The following INTU variants were observed in gnomAD, a reference collection of about 807,000 sequenced individuals.
INTU encodes the protein inturned planar cell polarity protein.
Under a neutral mutation model 100.5 loss-of-function variants are expected in INTU, and 68 were observed. The ratio of observed to expected loss-of-function variants is 0.68; its 90% CI spans 0.56 to 0.83. The LOEUF (loss-of-function observed/expected upper bound fraction) is 0.83. Among genes scored for constraint, INTU ranks in the 40% least tolerant of loss-of-function variants. INTU has a pLI of 0.00. For missense variants in INTU, 1,071 were observed against 1,114.7 expected (o/e 0.96, Z 0.56); for synonymous variants, 357 against 395.7 (o/e 0.90, Z 1.16).
chr4:127,681,679 GGACATA>G (rs1729561455), intron 6 of INTU, among the ~76,000 whole-genome samples: 1 of 152,158 alleles, frequency 6.6e-6, no homozygotes, highest in African/African-American at 2.4e-5. Context: ...TTACCATTCA[GGACATA>G]GGCATGGGCA....
Position 127,706,729 on chromosome 4 carries a change from C to T in INTU, c.2031C>T (p.Leu677=). Residue 677 remains leucine (L), a synonymous_variant, in exon 12 of 16, where the codon CTC becomes CTT. Coordinates refer to ENST00000335251, the MANE Select transcript of INTU (RefSeq NM_015693.4). ...KTDSLTTSPI[L]SRLQGTSKVA... ...ATAGCTTGACCACTTCGCCTATTCT[C>T]AGTAGGCTACAAGGTACTTCCAAAG... The T allele has an allele frequency of 1.2e-6, 2 of 1,614,078 alleles. No homozygotes were observed. Among genetic ancestry groups the T allele is most frequent in the Non-Finnish European group, 1.7e-6 (2 of 1,179,960 alleles).
intron 2 of INTU, among the ~76,000 whole-genome samples, chr4:127,649,630 T>G (rs953220264): frequency 6.6e-6 from 1 of 152,112 alleles, no homozygotes; most frequent in Non-Finnish European, 1.5e-5. Flanking sequence ...TCAAAAAGTT[T>G]TGGATTTTGG....
chr4:127,655,713 G>GAGGC (rs1228447977), intron 2 of INTU, among the ~76,000 whole-genome samples: 1 of 152,136 alleles, frequency 6.6e-6, no homozygotes, highest in Non-Finnish European at 1.5e-5. Flanking sequence ...GGAGCCTACA[G>GAGGC]AGGCAGGCAG....
rs1359985568 is a variant in INTU at position 127,718,094 on chromosome 4, T to G, written c.*1658T>G. 1 of 152,226 alleles carries G rather than the reference T, an allele frequency of 6.6e-6. No individual in the cohort carries two copies. Among genetic ancestry groups the G allele is most frequent in the Non-Finnish European group, 1.5e-5 (1 of 68,036 alleles). The allele number at this position is 152,226 out of a possible 1,614,324, so 9.4% of individuals were successfully genotyped here. On this transcript the variant is annotated 3_prime_UTR_variant, in exon 16 of 16. Coordinates refer to ENST00000335251, the MANE Select transcript of INTU (RefSeq NM_015693.4). ...TGTCTTAAATGGTATTGCCTAGATTTTCTTCTAGGGATTTTATAGTTTTGG... is the reference window on the plus strand; with the variant it reads ...TGTCTTAAATGGTATTGCCTAGATTGTCTTCTAGGGATTTTATAGTTTTGG...
chr4:127,713,535 A>G (rs1183585433), intron 14 of INTU, among the ~76,000 whole-genome samples: 1 of 152,200 alleles, frequency 6.6e-6, no homozygotes, highest in African/African-American at 2.4e-5. Context: ...TTTAGAACAC[A>G]TTTATTAAGC....
rs1428586649 is a variant in INTU at position 127,674,188 on chromosome 4, T to G, written c.1156T>G (p.Leu386Val). The change falls in exon 6 of 16, where the codon TTG becomes GTG. Residue 386 changes from leucine (L) to valine (V), a missense_variant. By Grantham distance (32) the Leu-to-Val change is conservative. Transcript: ENST00000335251. ...VAYWKESDKL[L>V]LIGLPAEEVP... The stretch of plus-strand genomic sequence containing the variant: ...TTATTGGAAAGAATCTGACAAGTTG[T>G]TGCTAATTGGCCTGCCTGCTGAAGA... 6.2e-7 allele frequency: 1 copy of G among 1,612,152 alleles called. No individual in the cohort carries two copies. Among genetic ancestry groups the G allele is most frequent in the Non-Finnish European group, 8.5e-7 (1 of 1,179,154 alleles).
intron 9 of INTU, among the ~76,000 whole-genome samples, chr4:127,700,831 G>C (rs1730616749): frequency 1.3e-5 from 2 of 150,844 alleles, no homozygotes; most frequent in Admixed American, 6.6e-5. Context: ...GCACTAACTT[G>C]TTTTTGTGAA....
At position 127,674,185 on chromosome 4, in the gene INTU, T is replaced by C; in HGVS notation, c.1153T>C (p.Leu385=). Residue 385 remains leucine (L), a synonymous_variant, in exon 6 of 16, where the codon TTG becomes CTG. Coordinates refer to ENST00000335251, the MANE Select transcript of INTU (RefSeq NM_015693.4). ...GGCTTATTGGAAAGAATCTGACAAG[T>C]TGTTGCTAATTGGCCTGCCTGCTGA... ...HVAYWKESDK[L]LLIGLPAEEV... 6.2e-7 allele frequency: 1 copy of C among 1,612,012 alleles called. No homozygotes were observed. Among genetic ancestry groups the C allele is most frequent in the Non-Finnish European group, 8.5e-7 (1 of 1,179,072 alleles).
In INTU at chr4:127,674,120, T is replaced by G. The variant is rs756798673; in HGVS notation, c.1092-4T>G. 1.3e-6 allele frequency: 2 copies of G among 1,591,724 alleles called. No homozygotes were observed. The highest frequency in any genetic ancestry group is 1.7e-6 in the Non-Finnish European group (2 of 1,162,018). On this transcript the variant is annotated splice_polypyrimidine_tract_variant and splice_region_variant and intron_variant, in intron 5 of 15. Coordinates refer to ENST00000335251, the MANE Select transcript of INTU (RefSeq NM_015693.4). ...AACCTTATTTTGAATATATTGTTTC[T>G]TAGTTCATCCCTCCTTTTAAATGGA...
intron 1 of INTU, among the ~76,000 whole-genome samples, chr4:127,642,157 G>A (rs2126176519): frequency 6.6e-6 from 1 of 152,262 alleles, no homozygotes; most frequent in Non-Finnish European, 1.5e-5. Flanking sequence ...AGACTCTCAA[G>A]AGTAGAACTG....
chr4:127,699,039 T>C (rs1451758834), intron 8 of INTU, among the ~76,000 whole-genome samples: 1 of 152,082 alleles, frequency 6.6e-6, no homozygotes, highest in Non-Finnish European at 1.5e-5. Flanking sequence ...ACAGTTAGTG[T>C]GTGAAACAGT....
intron 8 of INTU, among the ~76,000 whole-genome samples, chr4:127,697,138 T>G (rs1025055306): frequency 6.6e-6 from 1 of 152,218 alleles, no homozygotes; most frequent in Non-Finnish European, 1.5e-5. Context: ...CATTGAGATA[T>G]TTCACATATC....
chr4:127,703,789 CTAGAAG>C (rs1466042847), intron 9 of INTU, among the ~76,000 whole-genome samples: 3 of 152,074 alleles, frequency 2.0e-5, no homozygotes, highest in Non-Finnish European at 4.4e-5. Context: ...CTGTAGATTT[CTAGAAG>C]TAGAATTACT....
At chr4:127,635,382 A>G (rs571733091) in intron 1 of INTU, among the ~76,000 whole-genome samples, 88 of 152,302 alleles carry the variant, frequency 5.8e-4, no homozygotes, top group Admixed American at 1.0e-3. Flanking sequence ...TTAAGATAAC[A>G]GAAATCACAC....
intron 5 of INTU, among the ~76,000 whole-genome samples, chr4:127,670,245 T>C (rs991093228): frequency 4.6e-5 from 7 of 151,882 alleles, no homozygotes; most frequent in African/African-American, 1.7e-4. Context: ...TATCTCAAAT[T>C]TCAACAGCCT....
chr4:127,665,213 T>A (rs1016183354), intron 4 of INTU, among the ~76,000 whole-genome samples: 1 of 149,260 alleles, frequency 6.7e-6, no homozygotes, highest in African/African-American at 2.4e-5. Flanking sequence ...AAAAAATTTA[T>A]AAATTAAGTA....
At chr4:127,645,602 T>C (rs1727544872) in intron 2 of INTU, among the ~76,000 whole-genome samples, 1 of 152,040 alleles carries the variant, frequency 6.6e-6, no homozygotes, top group African/African-American at 2.4e-5. Flanking sequence ...CTGTTGTCAC[T>C]CAGGCTAGAG....
Position 127,646,875 on chromosome 4 carries a change from T to C in INTU, c.682+2819T>C, listed in dbSNP as rs144620270. 3.6e-3 allele frequency among the ~76,000 whole-genome samples: 549 copies of C among 152,300 alleles called. 1 individual carries two copies. Among genetic ancestry groups the C allele is most frequent in the Non-Finnish European group, 6.1e-3 (415 of 68,004 alleles). ...TTAGTAAATGCATTGGCAGAAAACA[T>C]TGAGTTTTGAATGTATAAAATGGCA... On this transcript the variant is annotated intron_variant, in intron 2 of 15. Coordinates refer to ENST00000335251, the MANE Select transcript of INTU (RefSeq NM_015693.4).
At chr4:127,704,160 A>T in intron 9 of INTU, 68 bp from the exon 10 acceptor site, 1 of 1,303,072 alleles carries the variant, frequency 7.7e-7, no homozygotes, top group Non-Finnish European at 1.1e-6. Flanking sequence ...TTTAACTATT[A>T]TAGCTTAATT....
Sources: gnomAD v4.1 joint callset for allele counts (sites outside exome capture counted in the v4.1 genomes callset) on GRCh38, gnomAD v4.1.1 for gene constraint, MANE v1.5 for transcripts, NCBI Gene and HGNC (gene_info 2026-07-23, HGNC 2026-07-21) for gene names.